Variants in PTPRZ1 observed in about 807,000 individuals in gnomAD.
PTPRZ1 encodes protein tyrosine phosphatase receptor type Z1, also known as receptor-type tyrosine-protein phosphatase zeta.
A neutral mutation model predicts 214.1 loss-of-function variants in PTPRZ1; 82 were observed. The ratio of observed to expected loss-of-function variants is 0.38; its 90% CI spans 0.32 to 0.46. The LOEUF is 0.46. PTPRZ1 is among the 20% of genes least tolerant of loss of function. The probability of loss-of-function intolerance (pLI) is 1.00; values close to 1 mark genes in which losing one functional copy is unlikely to be tolerated. For synonymous variants in PTPRZ1, 945 were observed against 987.9 expected, an observed-to-expected ratio of 0.96 and a Z score of 0.81; for missense variants, 2,603 against 2,748.7, an observed-to-expected ratio of 0.95 and a Z score of 1.19.
chr7:122,049,553 C>T (rs1229925103), intron 23 of PTPRZ1, among the ~76,000 whole-genome samples: 1 of 151,838 alleles, frequency 6.6e-6, no homozygotes, highest in Non-Finnish European at 1.5e-5. Flanking sequence ...AAAACAATAA[C>T]AAAACAGTAG....
At chr7:122,034,045 T>C in intron 15 of PTPRZ1, 50 bp from the exon 16 acceptor site, 1 of 1,517,840 alleles carries the variant, frequency 6.6e-7, no homozygotes, top group Middle Eastern at 1.7e-4. Context: ...ATTTGTCGTG[T>C]GCTGTGGAAT....
chr7:121,977,688 A>T (rs1797483518), intron 6 of PTPRZ1, among the ~76,000 whole-genome samples: 1 of 151,894 alleles, frequency 6.6e-6, no homozygotes, highest in Non-Finnish European at 1.5e-5. Context: ...GGAATATGTG[A>T]ACTCCTGCAG....
At chr7:121,940,249 C>G (rs1326357154) in intron 2 of PTPRZ1, among the ~76,000 whole-genome samples, 1 of 152,058 alleles carries the variant, frequency 6.6e-6, no homozygotes, top group Non-Finnish European at 1.5e-5. Context: ...CATCAGCACA[C>G]TAGTTAGGAA....
At chr7:121,981,023 T>G (rs1288420593) in intron 6 of PTPRZ1, among the ~76,000 whole-genome samples, 2 of 151,778 alleles carry the variant, frequency 1.3e-5, no homozygotes, top group Non-Finnish European at 2.9e-5. Flanking sequence ...GCGCCTATAG[T>G]CCCAGCTACT....
At chr7:121,936,787 G>A (rs555734519) in intron 2 of PTPRZ1, among the ~76,000 whole-genome samples, 90 of 152,216 alleles carry the variant, frequency 5.9e-4, no homozygotes, top group Non-Finnish European at 1.1e-3. Flanking sequence ...GGCAAGAGAC[G>A]TGGGGGCTTT....
chr7:121,875,741 A>G (rs935823087), intron 1 of PTPRZ1, among the ~76,000 whole-genome samples: 2 of 152,234 alleles, frequency 1.3e-5, no homozygotes, highest in African/African-American at 2.4e-5. Context: ...GGCAACATCA[A>G]GTAACATAAA....
At chr7:122,051,698 T>G (rs1792190430) in intron 24 of PTPRZ1, among the ~76,000 whole-genome samples, 168 bp from the exon 25 acceptor site, 1 of 152,216 alleles carries the variant, frequency 6.6e-6, no homozygotes, top group Admixed American at 6.5e-5. Context: ...TATCTAAATA[T>G]GCAAAATGTA....
chr7:121,878,827 A>G (rs1794142564), intron 1 of PTPRZ1, among the ~76,000 whole-genome samples: 1 of 152,190 alleles, frequency 6.6e-6, no homozygotes, highest in Non-Finnish European at 1.5e-5. Context: ...TAGCACTTAC[A>G]GTAGGTGCCA....
intron 14 of PTPRZ1, 72 bp downstream of exon 14, chr7:122,028,715 T>C (rs1186391526): frequency 6.6e-6 from 8 of 1,211,832 alleles, no homozygotes; most frequent in Admixed American, 1.8e-5. Context: ...AAAGGTTTGT[T>C]TTTATCGGGA....
rs1485749950 is a variant in PTPRZ1 at position 122,031,460 on chromosome 7, T to C, written c.5081-14T>C. 3 of 1,600,822 alleles carry C rather than the reference T, an allele frequency of 1.9e-6. No individual in the cohort carries two copies. The highest frequency in any genetic ancestry group is 2.2e-5 in the South Asian group (2 of 89,934). The stretch of plus-strand genomic sequence containing the variant: ...TAAATTATGCTCTCTAACACAATTT[T>C]TTTATTCACGTAGATGATGTCGGAG... On this transcript the variant is annotated splice_polypyrimidine_tract_variant and intron_variant, in intron 14 of 29. Coordinates refer to ENST00000393386, the MANE Select transcript of PTPRZ1 (RefSeq NM_002851.3).
intron 3 of PTPRZ1, among the ~76,000 whole-genome samples, chr7:121,970,064 T>G (rs1313103010): frequency 6.6e-6 from 1 of 151,002 alleles, no homozygotes; most frequent in Non-Finnish European, 1.5e-5. Flanking sequence ...TGGTTTTTTG[T>G]CCTTGCGATA....
chr7:122,003,825 GAA>G (rs1798396404), intron 10 of PTPRZ1, among the ~76,000 whole-genome samples: 1 of 152,210 alleles, frequency 6.6e-6, no homozygotes, highest in Non-Finnish European at 1.5e-5. Flanking sequence ...TCTTAGGAGA[GAA>G]AGAACCAGCT....
Position 122,051,857 on chromosome 7 carries a change from G to A in PTPRZ1, c.6179-9G>A. 6.2e-7 allele frequency: 1 copy of A among 1,611,152 alleles called. No homozygotes were observed. Among genetic ancestry groups the A allele is most frequent in the Non-Finnish European group, 8.5e-7 (1 of 1,178,256 alleles). The stretch of plus-strand genomic sequence containing the variant: ...TGTTTTGTTTTACAATGAATGTTCT[G>A]TGTTCCAGTGGAAAGATCAAGGGTT... On this transcript the variant is annotated splice_polypyrimidine_tract_variant and intron_variant, in intron 24 of 29. Transcript: ENST00000393386.
At chr7:121,929,114 A>G (rs1795849626) in intron 2 of PTPRZ1, among the ~76,000 whole-genome samples, 1 of 152,118 alleles carries the variant, frequency 6.6e-6, no homozygotes, top group Non-Finnish European at 1.5e-5. Flanking sequence ...AAAGTAGTAA[A>G]TATTCATTGT....
chr7:121,902,527 A>AT (rs1200402840), intron 1 of PTPRZ1, among the ~76,000 whole-genome samples: 1 of 151,980 alleles, frequency 6.6e-6, no homozygotes, highest in African/African-American at 2.4e-5. Context: ...AGCATTTGTT[A>AT]TTTTTTGTCT....
At chr7:122,023,812 ATAT>A (rs1194901569) in intron 13 of PTPRZ1, among the ~76,000 whole-genome samples, 1 of 132,714 alleles carries the variant, frequency 7.5e-6, no homozygotes, top group African/African-American at 2.9e-5. Flanking sequence ...ATATAATTAT[ATAT>A]TATATGTATA....
chr7:121,996,214 G>T (rs942251672), intron 8 of PTPRZ1, among the ~76,000 whole-genome samples, 168 bp from the exon 9 acceptor site: 4 of 152,146 alleles, frequency 2.6e-5, no homozygotes, highest in African/African-American at 9.7e-5. Flanking sequence ...GGTGGAAAGA[G>T]TATTTTAGAT....
intron 1 of PTPRZ1, among the ~76,000 whole-genome samples, chr7:121,910,463 G>A (rs1356155937): frequency 1.3e-5 from 2 of 152,012 alleles, no homozygotes; most frequent in South Asian, 2.1e-4. Flanking sequence ...TGGCTGGGGG[G>A]TCCACCAGTG....
At chr7:121,979,223 C>T (rs1173001523) in intron 6 of PTPRZ1, among the ~76,000 whole-genome samples, 1 of 152,110 alleles carries the variant, frequency 6.6e-6, no homozygotes, top group East Asian at 1.9e-4. Context: ...TCCCTCCCAT[C>T]CACCATACCT....
Sources: gnomAD v4.1 joint callset for allele counts (sites outside exome capture counted in the v4.1 genomes callset) on GRCh38, gnomAD v4.1.1 for gene constraint, MANE v1.5 for transcripts, NCBI Gene and HGNC (gene_info 2026-07-23, HGNC 2026-07-21) for gene names.